Variants in SEMA6D observed in about 807,000 individuals in gnomAD.
SEMA6D encodes semaphorin-6D.
SEMA6D carries 35 observed loss-of-function variants against 106.6 expected under a neutral mutation model. The observed-to-expected ratio is 0.33, with a 90% CI of 0.25 to 0.44. SEMA6D has a LOEUF of 0.44. SEMA6D is among the 20% of genes least tolerant of loss of function. The pLI is 1.00. For synonymous variants in SEMA6D, 499 were observed against 487.7 expected (o/e 1.02, Z -0.31); for missense variants, 1,185 against 1,345.9 (o/e 0.88, Z 1.87).
At chr15:47,407,895 C>T (rs2040649425) in intron 1 of SEMA6D, among the ~76,000 whole-genome samples, 1 of 152,138 alleles carries the variant, frequency 6.6e-6, no homozygotes, top group African/African-American at 2.4e-5. Flanking sequence ...GCGCCCTCAC[C>T]CCTTCTCCCT....
At chr15:47,518,225 C>G (rs1007918386) in intron 3 of SEMA6D, among the ~76,000 whole-genome samples, 1 of 152,070 alleles carries the variant, frequency 6.6e-6, no homozygotes, top group Non-Finnish European at 1.5e-5. Context: ...ACAGGAAATA[C>G]AAGGACAGAA....
At chr15:47,422,167 C>CCTGCCT (rs1567068351) in intron 2 of SEMA6D, among the ~76,000 whole-genome samples, 4,074 of 63,854 alleles carry the variant, frequency 0.064, 265 homozygotes, top group African/African-American at 0.17. Flanking sequence ...ATTTTTTGCC[C>CCTGCCT]GCCCGCCTGC....
chr15:47,541,909 C>T (rs984642347), intron 3 of SEMA6D, among the ~76,000 whole-genome samples: 30 of 152,160 alleles, frequency 2.0e-4, no homozygotes, highest in African/African-American at 7.2e-4. Context: ...GTTTCCCAAA[C>T]AGAGTCGGAA....
intron 2 of SEMA6D, among the ~76,000 whole-genome samples, chr15:47,459,679 A>G (rs2042442796): frequency 6.6e-6 from 1 of 152,068 alleles, no homozygotes; most frequent in Non-Finnish European, 1.5e-5. Context: ...AACTTTTATA[A>G]TAACCTCAAA....
At chr15:47,714,508 G>T (rs1490801097), upstream of SEMA6D, among the ~76,000 whole-genome samples, 1 of 152,176 alleles carries the variant, frequency 6.6e-6, no homozygotes, top group Non-Finnish European at 1.5e-5. Context: ...TACACACACA[G>T]ATTTTCTGTA....
At chr15:47,246,755 T>C (rs1229358307) in intron 1 of SEMA6D, among the ~76,000 whole-genome samples, 4 of 152,188 alleles carry the variant, frequency 2.6e-5, no homozygotes, top group Non-Finnish European at 4.4e-5. Flanking sequence ...TCAATGTCCT[T>C]AACTCTAATC....
intron 1 of SEMA6D, among the ~76,000 whole-genome samples, chr15:47,354,550 AGT>A (rs1393429759): frequency 7.1e-6 from 1 of 140,258 alleles, no homozygotes; most frequent in Non-Finnish European, 1.6e-5. Flanking sequence ...ATATGAAAGG[AGT>A]GTGTGTATGT....
At chr15:47,191,268 T>C (rs1039912060) in intron 1 of SEMA6D, among the ~76,000 whole-genome samples, 22 of 152,016 alleles carry the variant, frequency 1.4e-4, no homozygotes, top group Non-Finnish European at 1.5e-5. Context: ...CATGAAAATA[T>C]TTAGACAATC....
At chr15:47,713,013 G>C (rs1244188188), upstream of SEMA6D, among the ~76,000 whole-genome samples, 1 of 152,090 alleles carries the variant, frequency 6.6e-6, no homozygotes, top group Non-Finnish European at 1.5e-5. Flanking sequence ...TCTCTTGTCT[G>C]TTTGCAAAAG....
chr15:47,638,882 CAG>C (rs2077439046), intron 4 of SEMA6D, among the ~76,000 whole-genome samples: 1 of 152,218 alleles, frequency 6.6e-6, no homozygotes. Flanking sequence ...TGTGAATGAT[CAG>C]TTCATTGATT....
intron 3 of SEMA6D, among the ~76,000 whole-genome samples, chr15:47,489,515 A>G (rs1255300084): frequency 3.3e-5 from 5 of 152,204 alleles, no homozygotes; most frequent in Non-Finnish European, 7.3e-5. Flanking sequence ...TCAGGCACAC[A>G]TGAAAAATCC....
intron 1 of SEMA6D, among the ~76,000 whole-genome samples, chr15:47,327,867 GA>G (rs1317295411): frequency 6.6e-6 from 1 of 152,128 alleles, no homozygotes; most frequent in African/African-American, 2.4e-5. Context: ...AATATTTATT[GA>G]ATGCCTACTA....
chr15:47,519,165 A>C (rs2044488818), intron 3 of SEMA6D, among the ~76,000 whole-genome samples: 1 of 152,330 alleles, frequency 6.6e-6, no homozygotes, highest in South Asian at 2.1e-4. Flanking sequence ...TAGTGTAATA[A>C]ATACATAAAC....
intron 1 of SEMA6D, among the ~76,000 whole-genome samples, chr15:47,742,357 G>A (rs1356640110): frequency 6.6e-6 from 1 of 152,138 alleles, no homozygotes. Flanking sequence ...CTCAGAAGAG[G>A]TGAGGTAAGG....
chr15:47,428,459 T>TGGTGCCGGCCTGGAATCTCAG (rs2041420694), intron 2 of SEMA6D, among the ~76,000 whole-genome samples: 1 of 34,136 alleles, frequency 2.9e-5, no homozygotes. Flanking sequence ...TAGGCGCAGA[T>TGGTGCCGGCCTGGAATCTCAG]CTACCCTTAA....
intron 1 of SEMA6D, among the ~76,000 whole-genome samples, chr15:47,752,934 G>A (rs1445923989): frequency 6.6e-6 from 1 of 151,486 alleles, no homozygotes; most frequent in Non-Finnish European, 1.5e-5. Flanking sequence ...GCTTGAACCT[G>A]GGAGGTGGAG....
intron 4 of SEMA6D, among the ~76,000 whole-genome samples, chr15:47,608,502 T>C (rs2076828691): frequency 1.3e-5 from 2 of 152,196 alleles, no homozygotes; most frequent in Admixed American, 6.5e-5. Flanking sequence ...CCAACTGTTA[T>C]CTGGTGGAGG....
At chr15:47,614,654 C>T (rs2076973075) in intron 4 of SEMA6D, among the ~76,000 whole-genome samples, 1 of 152,114 alleles carries the variant, frequency 6.6e-6, no homozygotes, top group South Asian at 2.1e-4. Context: ...CGTATCAACT[C>T]CCCAGTATAA....
At chr15:47,375,985 A>G (rs929650322) in intron 1 of SEMA6D, among the ~76,000 whole-genome samples, 2 of 152,228 alleles carry the variant, frequency 1.3e-5, no homozygotes, top group African/African-American at 4.8e-5. Flanking sequence ...TTGTGGTTGT[A>G]AATTGTTTAT....
Sources: gnomAD v4.1 joint callset for allele counts (sites outside exome capture counted in the v4.1 genomes callset) on GRCh38, gnomAD v4.1.1 for gene constraint, MANE v1.5 for transcripts, NCBI Gene and HGNC (gene_info 2026-07-23, HGNC 2026-07-21) for gene names.